Variants in TRIM54 observed in about 807,000 individuals in gnomAD.
TRIM54 encodes the protein tripartite motif containing 54.
TRIM54 carries 40 observed loss-of-function variants against 42.0 expected under a neutral mutation model. The observed-to-expected ratio is 0.95, with a 90% CI of 0.74 to 1.24. The LOEUF (loss-of-function observed/expected upper bound fraction) is 1.24, where lower values mean the gene tolerates loss of function less well. Ranked by LOEUF, TRIM54 falls within the 50% of genes most tolerant of loss-of-function variation. The probability of loss-of-function intolerance (pLI) is 0.00; values close to 1 mark genes in which losing one functional copy is unlikely to be tolerated. For missense variants in TRIM54, 485 were observed against 480.3 expected (o/e 1.01, Z -0.09); for synonymous variants, 199 against 194.9 (o/e 1.02, Z -0.17).
At chr2:27,284,501 A>G (rs1243127056) in intron 1 of TRIM54, among the ~76,000 whole-genome samples, 1 of 150,674 alleles carries the variant, frequency 6.6e-6, no homozygotes, top group Non-Finnish European at 1.5e-5. Flanking sequence ...CAAACCTGCC[A>G]TTATTCAGCT....
At position 27,290,560 on chromosome 2, in the gene TRIM54, C is replaced by T. The variant is rs184001912; in HGVS notation, c.168+7661C>T. 3.3e-5 allele frequency among the ~76,000 whole-genome samples: 5 copies of T among 152,252 alleles called. No homozygotes were observed. In the East Asian group the frequency reaches 9.7e-4, roughly 29 times the overall value. On this transcript the variant is annotated intron_variant, in intron 1 of 8. Coordinates refer to ENST00000380075, the MANE Select transcript of TRIM54 (RefSeq NM_187841.3). ...GGGCGCCTAGCTGAGGCAAGAGAATCGCTTGAACCCAGGAGGTAGAAGTTG... is the reference window on the plus strand; with the variant it reads ...GGGCGCCTAGCTGAGGCAAGAGAATTGCTTGAACCCAGGAGGTAGAAGTTG...
chr2:27,303,825 T>C (rs1021458042), intron 3 of TRIM54, among the ~76,000 whole-genome samples: 3 of 152,174 alleles, frequency 2.0e-5, no homozygotes, highest in African/African-American at 7.2e-5. Context: ...ACTGAGATAT[T>C]GGAATTATTA....
chr2:27,303,282 G>A (rs181198569), intron 3 of TRIM54, among the ~76,000 whole-genome samples: 38 of 152,268 alleles, frequency 2.5e-4, no homozygotes, highest in Admixed American at 1.8e-3. Context: ...CCGGCTGGGC[G>A]CAGTGGCTCA....
intron 3 of TRIM54, chr2:27,304,672 G>T (rs1398373711): frequency 5.9e-6 from 2 of 338,398 alleles, no homozygotes; most frequent in Admixed American, 8.3e-5. Flanking sequence ...TGCAAGAAAT[G>T]AATCTACAGA....
In TRIM54 at chr2:27,306,802, C is replaced by T. The variant is rs938748522; in HGVS notation, c.*2-85C>T. 3.8e-6 allele frequency: 2 copies of T among 533,284 alleles called. No homozygotes were observed. The highest frequency in any genetic ancestry group is 3.8e-5 in the African/African-American group (2 of 52,006). 33.0% of individuals were successfully genotyped at this position (533,284 alleles called of 1,614,324 possible). ...GCAGGCTGAGTAGAGGAGAAACCCA[C>T]GTGGCGGGGGACGGAGTGAGCGGGG... On this transcript the variant is annotated intron_variant, in intron 8 of 8. Transcript: ENST00000380075. This position sits in a 1 kb window ranked among gnomAD's most constrained non-coding sequence, Gnocchi z 6.1.
In TRIM54 at chr2:27,305,683, C is replaced by A; in HGVS notation, c.709C>A (p.Arg237=). ...GGGTGAGCTGCTGCAGGCGCTGGCC[C>A]GGGAGCAAGAGGAGAAGCTGCAGCG... The part of the protein sequence containing the change: ...RKGELLQALA[R]EQEEKLQRVR... Residue 237 remains arginine, a synonymous_variant, in exon 5 of 9, where the codon CGG becomes AGG. Transcript: ENST00000380075. 6.2e-7 allele frequency: 1 copy of A among 1,613,008 alleles called. No homozygotes were observed. The highest frequency in any genetic ancestry group is 8.5e-7 in the Non-Finnish European group (1 of 1,179,692).
chr2:27,304,856 T>G, intron 3 of TRIM54, 103 bp from the exon 4 acceptor site: 2 of 848,046 alleles, frequency 2.4e-6, no homozygotes, highest in South Asian at 1.7e-5. Context: ...TTATGGGGGG[T>G]GAGGTGGAAG....
At chr2:27,297,678 C>G (rs977052478) in intron 1 of TRIM54, among the ~76,000 whole-genome samples, 5 of 152,086 alleles carry the variant, frequency 3.3e-5, no homozygotes, top group Admixed American at 2.6e-4. Flanking sequence ...GAATACCTGC[C>G]TAAATTTATA....
intron 3 of TRIM54, chr2:27,299,675 CCTAT>C (rs112702645): frequency 0.017 from 9,592 of 579,164 alleles, 211 homozygotes; most frequent in African/African-American, 0.087. Context: ...CGCACTCAGC[CCTAT>C]CTATCTATCT....
intron 1 of TRIM54, among the ~76,000 whole-genome samples, chr2:27,295,104 C>T (rs969661113): frequency 4.0e-5 from 6 of 151,556 alleles, no homozygotes; most frequent in South Asian, 2.1e-4. Context: ...CCTGCTCTGT[C>T]GCCCAGGTTG....
chr2:27,301,844 C>T (rs1444474134), intron 3 of TRIM54, among the ~76,000 whole-genome samples: 17 of 152,058 alleles, frequency 1.1e-4, no homozygotes, highest in Admixed American at 1.0e-3. Flanking sequence ...CCTCCCAAAG[C>T]GTTACTCCAC....
At position 27,297,947 on chromosome 2, in the gene TRIM54, C is replaced by A. The variant is rs745811417; in HGVS notation, c.169-620C>A. 1.4e-3 allele frequency among the ~76,000 whole-genome samples: 209 copies of A among 146,692 alleles called. 1 individual carries two copies. The highest frequency in any genetic ancestry group is 8.5e-4 in the Non-Finnish European group (57 of 67,440). On this transcript the variant is annotated intron_variant, in intron 1 of 8. Transcript: ENST00000380075. ...GGTGAGCTGTGATCCCACTACTGCACTCCAGCCTGGGCATCAGAGAAAGAA... is the reference window on the plus strand; with the variant it reads ...GGTGAGCTGTGATCCCACTACTGCAATCCAGCCTGGGCATCAGAGAAAGAA...
Position 27,298,621 on chromosome 2 carries a change from C to T in TRIM54, c.223C>T (p.Arg75Cys), listed in dbSNP as rs781437000. The T allele has an allele frequency of 5.6e-6, 9 of 1,614,062 alleles. No individual in the cohort carries two copies. Among genetic ancestry groups the T allele is most frequent in the East Asian group, 4.5e-5 (2 of 44,892 alleles). ...RGSTTVSSGG[R>C]FRCPSCRHEV... ...CTCCACCACTGTGTCTTCAGGAGGC[C>T]GTTTCCGCTGCCCATCGTGCAGGCA... Residue 75 changes from arginine to cysteine, a missense_variant, in exon 2 of 9, where the codon CGT becomes TGT. By Grantham distance (180) the Arg-to-Cys change is radical. Transcript: ENST00000380075.
At chr2:27,299,612 G>A in intron 3 of TRIM54, 196 bp downstream of exon 3, 1 of 1,191,994 alleles carries the variant, frequency 8.4e-7, no homozygotes, top group East Asian at 2.5e-5. Flanking sequence ...CCGAGCTCAA[G>A]TGATCCTCCC....
intron 5 of TRIM54, 100 bp downstream of exon 5, chr2:27,305,917 C>A: frequency 7.3e-7 from 1 of 1,364,196 alleles, no homozygotes; most frequent in Non-Finnish European, 1.0e-6. Context: ...CACCTGCTTG[C>A]CCCTACGACC....
chr2:27,304,666 A>T (rs146437010), intron 3 of TRIM54: 1 of 324,686 alleles, frequency 3.1e-6, no homozygotes, highest in East Asian at 4.9e-5. Flanking sequence ...AATCGATGCA[A>T]GAAATGAATC....
chr2:27,285,315 G>C (rs1020796820), intron 1 of TRIM54, among the ~76,000 whole-genome samples: 5 of 152,168 alleles, frequency 3.3e-5, no homozygotes, highest in African/African-American at 1.2e-4. Context: ...CAGATTGTCT[G>C]TTTTCTAAGT....
intron 3 of TRIM54, among the ~76,000 whole-genome samples, chr2:27,302,661 G>T (rs948614220): frequency 6.6e-6 from 1 of 151,594 alleles, no homozygotes; most frequent in Non-Finnish European, 1.5e-5. Flanking sequence ...CATGGTGGCA[G>T]TCGCCTGTAA....
intron 1 of TRIM54, among the ~76,000 whole-genome samples, chr2:27,283,731 T>C (rs1482864385): frequency 7.1e-6 from 1 of 141,258 alleles, no homozygotes; most frequent in Non-Finnish European, 1.5e-5. Flanking sequence ...GGCTATAAAA[T>C]GGAACAGAGA....
Sources: allele counts gnomAD v4.1 joint callset (sites outside exome capture counted in the v4.1 genomes callset), GRCh38; gene constraint gnomAD v4.1.1; non-coding constraint Gnocchi (gnomAD v3.1); transcripts MANE v1.5; gene names NCBI Gene and HGNC (gene_info 2026-07-23, HGNC 2026-07-21).